Variants in SALL3 observed in about 807,000 individuals in gnomAD.
The protein encoded by SALL3 is sal-like protein 3.
SALL3 carries 25 observed loss-of-function variants against 66.2 expected under a neutral mutation model. That is an observed-to-expected ratio of 0.38 (90% CI 0.28 to 0.53). SALL3 has a LOEUF of 0.53. SALL3 is among the 20% of genes least tolerant of loss of function. The pLI, the probability that SALL3 is intolerant of heterozygous loss-of-function variation, is 0.85. For synonymous variants in SALL3, 1,152 were observed against 899.1 expected, an observed-to-expected ratio of 1.28 and a Z score of -5.03; for missense variants, 2,194 against 1,916.5, an observed-to-expected ratio of 1.14 and a Z score of -2.70.
chr18:78,985,144 A>G (rs1041333418), intron 1 of SALL3: 2 of 152,254 alleles, frequency 1.3e-5, no homozygotes, highest in Non-Finnish European at 2.9e-5. Flanking sequence ...AGGGGTGGCC[A>G]CTAGATGTCA....
Position 78,997,113 on chromosome 18 carries a change from G to A in SALL3, c.3694G>A (p.Val1232Ile), listed in dbSNP as rs760952537. The change falls in exon 3 of 3, where the codon GTC becomes ATC. Residue 1232 changes from valine to isoleucine, a missense_variant. Transcript: ENST00000537592. ...CGCCATGAAGAACAACGAGATCTCC[G>A]TCATCCAGAACGGCGGCATCCCCCA... ...GLAMKNNEIS[V>I]IQNGGIPQLP... 8.1e-6 allele frequency: 13 copies of A among 1,614,066 alleles called. No homozygotes were observed. Among genetic ancestry groups the A allele is most frequent in the Admixed American group, 1.7e-5 (1 of 60,024 alleles).
intron 2 of SALL3, 78 bp from the exon 3 acceptor site, chr18:78,996,813 T>C: frequency 7.0e-7 from 1 of 1,426,334 alleles, no homozygotes; most frequent in African/African-American, 1.4e-5. Context: ...TGGACCTCTG[T>C]CTGCTGCGCT....
Position 78,980,498 on chromosome 18 carries a change from C to G in SALL3, c.82+142C>G, listed in dbSNP as rs546725994. 6.9e-3 allele frequency: 3,044 copies of G among 441,740 alleles called. 16 individuals are homozygous for G. The highest frequency in any genetic ancestry group is 0.01 in the Admixed American group (196 of 19,400). 27.4% of individuals were successfully genotyped at this position (441,740 alleles called of 1,614,324 possible). ...CCTGCGGGCAAGCGTCCGCCCCGCG[C>G]CAGGCCGGCCGCGGGGCCCCGGGTA... On this transcript the variant is annotated intron_variant, in intron 1 of 2. Transcript: ENST00000537592.
At chr18:78,981,073 G>A (rs746649313) in intron 1 of SALL3, among the ~76,000 whole-genome samples, 12 of 152,350 alleles carry the variant, frequency 7.9e-5, no homozygotes, top group Admixed American at 2.6e-4. Context: ...CGCCGAGGCC[G>A]GGCGCTGGAG....
intron 1 of SALL3, among the ~76,000 whole-genome samples, chr18:78,989,861 G>A (rs1914367344): frequency 6.6e-6 from 1 of 152,180 alleles, no homozygotes; most frequent in South Asian, 2.1e-4. Context: ...GATGTGTATG[G>A]ATGGTTTAAT....
rs1386826074 is a variant in SALL3 at position 78,994,978 on chromosome 18, A to G, written c.2987A>G (p.Tyr996Cys). 3 of 1,613,532 alleles carry G rather than the reference A, an allele frequency of 1.9e-6. No homozygotes were observed. The highest frequency in any genetic ancestry group is 2.7e-5 in the African/African-American group (2 of 74,904). ...TGCAAGAGCGCGTTGGAAATCCACT[A>G]CCGCAGCCATACTAAGGAGCGGCCA... ...FACKSALEIHYRSHTKERPFV... is the reference protein window; with the variant it reads ...FACKSALEIHCRSHTKERPFV... The change falls in exon 2 of 3, where the codon TAC becomes TGC. Residue 996 changes from tyrosine (Y) to cysteine (C), a missense_variant. Coordinates refer to ENST00000537592, the MANE Select transcript of SALL3 (RefSeq NM_171999.4).
In SALL3 at chr18:78,994,766, G is replaced by A. The variant is rs1914622501; in HGVS notation, c.2775G>A (p.Pro925=). The A allele has an allele frequency of 6.2e-7, 1 of 1,600,126 alleles. No homozygotes were observed. The highest frequency in any genetic ancestry group is 1.1e-5 in the South Asian group (1 of 90,554). The change falls in exon 2 of 3, where the codon CCG becomes CCA. Residue 925 remains proline (P), a synonymous_variant. Coordinates refer to ENST00000537592, the MANE Select transcript of SALL3 (RefSeq NM_171999.4). ...FRSKSPGLGA[P]EEPQEIPLKT... Reference sequence around the variant, plus strand: ...CCAAGTCCCCGGGCCTGGGCGCCCCGGAGGAGCCCCAGGAAATCCCGCTCA... The same window carrying A: ...CCAAGTCCCCGGGCCTGGGCGCCCCAGAGGAGCCCCAGGAAATCCCGCTCA...
rs551677753 is a variant in SALL3, at chr18:78,998,751, C to T, written c.*1429C>T. The T allele has an allele frequency of 4.6e-5, 7 of 152,338 alleles. No individual in the cohort carries two copies. The highest frequency in any genetic ancestry group is 2.1e-4 in the South Asian group (1 of 4,828). The allele number at this position is 152,338 out of a possible 1,614,324, so 9.4% of individuals were successfully genotyped here. A position where few individuals can be genotyped will look rare whatever the true frequency, so the allele number is the denominator to read the frequency against. On this transcript the variant is annotated 3_prime_UTR_variant, in exon 3 of 3. Coordinates refer to ENST00000537592, the MANE Select transcript of SALL3 (RefSeq NM_171999.4). ...TCATGACTTTGAAATTTTCCGAGTTCCTGATTTATTTATTATCTTCTCAGA... is the reference window on the plus strand; with the variant it reads ...TCATGACTTTGAAATTTTCCGAGTTTCTGATTTATTTATTATCTTCTCAGA...
chr18:78,981,549 C>G (rs1914073802), intron 1 of SALL3, among the ~76,000 whole-genome samples: 1 of 152,160 alleles, frequency 6.6e-6, no homozygotes, highest in South Asian at 2.1e-4. Flanking sequence ...ACACCCATGT[C>G]GGATGAGAAC....
At position 78,996,377 on chromosome 18, in the gene SALL3, C is replaced by T. The variant is rs558640079; in HGVS notation, c.3472-514C>T. ...ATCGATGCCTGTGGTTTCTACCTGG[C>T]GTGCGTGGGCTGGATAAGAACTGCC... On this transcript the variant is annotated intron_variant, in intron 2 of 2. Transcript: ENST00000537592. Among the ~76,000 whole-genome samples, 27 of 152,318 alleles carry T rather than the reference C, an allele frequency of 1.8e-4. No individual in the cohort carries two copies. In the South Asian group the frequency reaches 3.9e-3, roughly 22 times the overall value.
Position 78,992,093 on chromosome 18 carries a change from G to C in SALL3, c.102G>C (p.Ala34=). 6.4e-7 allele frequency: 1 copy of C among 1,555,240 alleles called. No homozygotes were observed. The highest frequency in any genetic ancestry group is 8.7e-7 in the Non-Finnish European group (1 of 1,149,392). Residue 34 remains alanine, a synonymous_variant, in exon 2 of 3, where the codon GCG becomes GCC. Transcript: ENST00000537592. ...APEHAAPGEG[A]EDADSGPESR... ...TTGCAGCCGCCCCGGGGGAAGGTGCGGAGGACGCAGACAGCGGGCCCGAGA... is the reference window on the plus strand; with the variant it reads ...TTGCAGCCGCCCCGGGGGAAGGTGCCGAGGACGCAGACAGCGGGCCCGAGA...
At position 78,993,784 on chromosome 18, in the gene SALL3, C is replaced by G. The variant is rs1397281173; in HGVS notation, c.1793C>G (p.Pro598Arg). The G allele has an allele frequency of 6.4e-7, 1 of 1,551,146 alleles. No individual in the cohort carries two copies. The highest frequency in any genetic ancestry group is 1.4e-5 in the African/African-American group (1 of 73,198). Reference protein sequence around the residue: ...LGGPPLTKAEPVSLPCTNARA... With the variant: ...LGGPPLTKAERVSLPCTNARA... ...GGGCCGCCCCTCACTAAAGCCGAGC[C>G]CGTCAGCCTGCCCTGCACCAACGCC... The change falls in exon 2 of 3, where the codon CCC becomes CGC. Residue 598 changes from proline to arginine, a missense_variant. Physicochemically the swap from Pro to Arg is moderately radical, Grantham distance 103 (BLOSUM62 -2). Coordinates refer to ENST00000537592, the MANE Select transcript of SALL3 (RefSeq NM_171999.4).
In SALL3 at chr18:78,996,984, G is replaced by T; in HGVS notation, c.3565G>T (p.Ala1189Ser). ...CCCCATGGCTCTCCTAGGGGGTGAT[G>T]CCCTGAAGTTCTCTGAAATGTTCCA... ...ENPMALLGGDALKFSEMFQKD... is the reference protein window; with the variant it reads ...ENPMALLGGDSLKFSEMFQKD... The change falls in exon 3 of 3, where the codon GCC (alanine) becomes TCC (serine). Residue 1189 changes from alanine (A) to serine (S), a missense_variant. Coordinates refer to ENST00000537592, the MANE Select transcript of SALL3 (RefSeq NM_171999.4). 9 of 1,614,078 alleles carry T rather than the reference G, an allele frequency of 5.6e-6. No homozygotes were observed. Among genetic ancestry groups the T allele is most frequent in the Non-Finnish European group, 6.8e-6 (8 of 1,180,036 alleles).
Position 78,994,647 on chromosome 18 carries a change from C to T in SALL3, c.2656C>T (p.Leu886=), listed in dbSNP as rs945527310. ...SNDSSSAVGD[L]ESRSAGSPAL... ...CGACTCCTCGTCGGCCGTGGGCGACCTGGAGAGCCGCAGCGCGGGCAGCCC... is the reference window on the plus strand; with the variant it reads ...CGACTCCTCGTCGGCCGTGGGCGACTTGGAGAGCCGCAGCGCGGGCAGCCC... Residue 886 remains leucine (L), a synonymous_variant, in exon 2 of 3, where the codon CTG becomes TTG. Transcript: ENST00000537592. 4.3e-6 allele frequency: 7 copies of T among 1,609,426 alleles called. No homozygotes were observed. The highest frequency in any genetic ancestry group is 5.1e-6 in the Non-Finnish European group (6 of 1,178,566).
chr18:78,995,161 C>T lies in SALL3; in HGVS notation c.3170C>T (p.Ala1057Val). Residue 1057 changes from alanine (A) to valine (V), a missense_variant, in exon 2 of 3, where the codon GCA (alanine) becomes GTA (valine). Ala to Val is a moderately conservative substitution (Grantham distance 64). Coordinates refer to ENST00000537592, the MANE Select transcript of SALL3 (RefSeq NM_171999.4). ...ACTCCTAGCCTGATCTCCAGCGCCG[C>T]ACCCACCATGATCAAAATGGAAGTG... ...QSTPSLISSA[A>V]PTMIKMEVNG... is the part of the protein sequence containing the mutation. The T allele has an allele frequency of 2.5e-6, 4 of 1,613,396 alleles. No homozygotes were observed. Among genetic ancestry groups the T allele is most frequent in the East Asian group, 4.5e-5 (2 of 44,872 alleles).
chr18:78,990,491 T>C (rs1914392878), intron 1 of SALL3, among the ~76,000 whole-genome samples: 1 of 152,202 alleles, frequency 6.6e-6, no homozygotes, highest in Non-Finnish European at 1.5e-5. Context: ...TCTTTTCAAG[T>C]AGAGGAAAAG....
chr18:78,988,482 T>C (rs755401473), intron 1 of SALL3, among the ~76,000 whole-genome samples: 2 of 152,242 alleles, frequency 1.3e-5, no homozygotes, highest in Non-Finnish European at 2.9e-5. Context: ...TTTCTAGTTC[T>C]CAGGAAACTC....
Position 78,998,890 on chromosome 18 carries a change from A to G in SALL3, c.*1568A>G, listed in dbSNP as rs1285507254. The G allele has an allele frequency of 6.6e-6, 1 of 152,198 alleles. No individual in the cohort carries two copies. Among genetic ancestry groups the G allele is most frequent in the Non-Finnish European group, 1.5e-5 (1 of 68,056 alleles). The allele number at this position is 152,198 out of a possible 1,614,324, so 9.4% of individuals were successfully genotyped here. On this transcript the variant is annotated 3_prime_UTR_variant, in exon 3 of 3. Transcript: ENST00000537592. ...CTGGGGCGGCCGAGGCAGCACAAAC[A>G]CGGCGTCGTGAACTACCTCATTTTC... is the stretch of plus-strand genomic sequence containing the variant.
Position 78,992,992 on chromosome 18 carries a change from C to G in SALL3, c.1001C>G (p.Ser334Trp), listed in dbSNP as rs904578012. The change falls in exon 2 of 3, where the codon TCG becomes TGG. Residue 334 changes from serine to tryptophan, a missense_variant. Physicochemically the swap from Ser to Trp is radical, Grantham distance 177. Transcript: ENST00000537592. ...APAPAPQSAA[S>W]SQPQSASTPP... is the part of the protein sequence containing the mutation. ...GCGCCAGCGCCGCAGAGCGCAGCCT[C>G]GTCGCAGCCGCAGAGCGCATCCACG... 3 of 1,452,800 alleles carry G rather than the reference C, an allele frequency of 2.1e-6. No individual in the cohort carries two copies. The highest frequency in any genetic ancestry group is 2.7e-6 in the Non-Finnish European group (3 of 1,112,482). The allele number at this position is 1,452,800 out of a possible 1,614,324, so 90.0% of individuals were successfully genotyped here.
Sources: allele counts gnomAD v4.1 joint callset (sites outside exome capture counted in the v4.1 genomes callset), GRCh38; gene constraint gnomAD v4.1.1; transcripts MANE v1.5; gene names NCBI Gene and HGNC (gene_info 2026-07-23, HGNC 2026-07-21).